NECTIN3: variants seen among roughly 807,000 people sequenced by gnomAD.
NECTIN3 encodes the protein nectin cell adhesion molecule 3, also known as nectin-3.
NECTIN3 carries 8 observed loss-of-function variants against 49.4 expected under a neutral mutation model. The ratio of observed to expected loss-of-function variants is 0.16; its 90% CI spans 0.10 to 0.29. The LOEUF is 0.29. Among genes scored for constraint, NECTIN3 ranks in the 10% least tolerant of loss-of-function variants. NECTIN3 has a pLI of 1.00. For missense variants in NECTIN3, 581 were observed against 654.6 expected (o/e 0.89, Z 1.23); for synonymous variants, 277 against 241.1 (o/e 1.15, Z -1.38).
At chr3:111,098,383 C>A (rs1319193146) in intron 1 of NECTIN3, among the ~76,000 whole-genome samples, 1 of 152,192 alleles carries the variant, frequency 6.6e-6, no homozygotes, top group African/African-American at 2.4e-5. Context: ...TGCTGTGCAT[C>A]CTATTTCAAA....
intron 7 of NECTIN3, among the ~76,000 whole-genome samples, chr3:111,155,931 G>A (rs1005007045): frequency 3.3e-5 from 5 of 152,196 alleles, no homozygotes; most frequent in East Asian, 1.9e-4. Context: ...ATACTAGTGG[G>A]GAGACTTATC....
At chr3:111,187,628 A>T (rs2035745341), upstream of NECTIN3, among the ~76,000 whole-genome samples, 1 of 152,256 alleles carries the variant, frequency 6.6e-6, no homozygotes, top group South Asian at 2.1e-4. Context: ...CTAAAAAGGA[A>T]TAAACCATCA....
intron 7 of NECTIN3, among the ~76,000 whole-genome samples, chr3:111,170,409 C>A (rs2035413340): frequency 6.6e-6 from 1 of 152,086 alleles, no homozygotes; most frequent in African/African-American, 2.4e-5. Context: ...TTTCTCCCTT[C>A]TGTCAGTGAG....
intron 6 of NECTIN3, among the ~76,000 whole-genome samples, chr3:111,147,025 G>A (rs775500989): frequency 9.9e-5 from 15 of 152,226 alleles, no homozygotes; most frequent in Non-Finnish European, 1.9e-4. Flanking sequence ...AAAATACAGT[G>A]TAAACATTTC....
intron 1 of NECTIN3, among the ~76,000 whole-genome samples, chr3:111,098,481 G>C (rs944113002): frequency 3.9e-5 from 6 of 152,132 alleles, no homozygotes; most frequent in African/African-American, 1.4e-4. Flanking sequence ...TCCTTGTCTT[G>C]TGGCTGCATA....
intron 2 of NECTIN3, among the ~76,000 whole-genome samples, chr3:111,117,731 A>G (rs1401591766): frequency 1.3e-5 from 2 of 152,090 alleles, no homozygotes; most frequent in Admixed American, 6.6e-5. Flanking sequence ...TAAAAACTCA[A>G]TGCACAGAGT....
chr3:111,098,010 G>A (rs1484776746), intron 1 of NECTIN3, among the ~76,000 whole-genome samples: 5 of 152,124 alleles, frequency 3.3e-5, no homozygotes, highest in Non-Finnish European at 7.4e-5. Context: ...TGAACATGGA[G>A]ATCAATTTGA....
intron 7 of NECTIN3, among the ~76,000 whole-genome samples, chr3:111,180,781 T>C (rs1173581607): frequency 6.6e-6 from 1 of 152,188 alleles, no homozygotes; most frequent in East Asian, 1.9e-4. Flanking sequence ...AACTTCTGCA[T>C]CAGGGACAGT....
chr3:111,149,043 G>A (rs1487100155), intron 7 of NECTIN3, among the ~76,000 whole-genome samples: 1 of 152,006 alleles, frequency 6.6e-6, no homozygotes, highest in Non-Finnish European at 1.5e-5. Flanking sequence ...TGATAAAGAG[G>A]TAGAGACCCA....
At chr3:111,191,054 A>C (rs1220094791), upstream of NECTIN3, among the ~76,000 whole-genome samples, 1 of 152,212 alleles carries the variant, frequency 6.6e-6, no homozygotes, top group East Asian at 1.9e-4. Flanking sequence ...AAGATAGTGA[A>C]ATGCAGAGCT....
At chr3:111,148,193 G>C (rs1427400868) in intron 7 of NECTIN3, among the ~76,000 whole-genome samples, 1 of 152,148 alleles carries the variant, frequency 6.6e-6, no homozygotes, top group Non-Finnish European at 1.5e-5. Context: ...AATATGTCCT[G>C]TATCTTCAGC....
At chr3:111,076,429 T>C (rs1015745452) in intron 1 of NECTIN3, among the ~76,000 whole-genome samples, 1 of 152,130 alleles carries the variant, frequency 6.6e-6, no homozygotes, top group Non-Finnish European at 1.5e-5. Flanking sequence ...ACTATTAATA[T>C]GTAAATGTAG....
At chr3:111,169,073 T>G (rs143050383) in intron 7 of NECTIN3, among the ~76,000 whole-genome samples, 3,243 of 148,052 alleles carry the variant, frequency 0.022, 111 homozygotes, top group African/African-American at 0.066. Flanking sequence ...ATCAGGACTA[T>G]TCAAACTTTT....
chr3:111,181,050 C>T (rs1386070826), intron 7 of NECTIN3, among the ~76,000 whole-genome samples: 1 of 152,136 alleles, frequency 6.6e-6, no homozygotes, highest in Admixed American at 6.5e-5. Flanking sequence ...TTGCCCCAAG[C>T]AAGAACTTTT....
At chr3:111,076,274 AAGAG>A (rs2031193078) in intron 1 of NECTIN3, among the ~76,000 whole-genome samples, 1 of 152,218 alleles carries the variant, frequency 6.6e-6, no homozygotes, top group South Asian at 2.1e-4. Flanking sequence ...TCCTTGTTAA[AAGAG>A]AGCATTTTGA....
rs777631224 is a variant in NECTIN3 at position 111,136,016 on chromosome 3, T to G, written c.*1801T>G. On this transcript the variant is annotated 3_prime_UTR_variant, in exon 6 of 6. Coordinates refer to ENST00000485303, the MANE Select transcript of NECTIN3 (RefSeq NM_015480.3). ...AATATTACAACTTTTTAGTGCAAGT[T>G]TTTGGAAGAAAACTTTTTGATAAAA... The G allele has an allele frequency of 2.1e-5, 20 of 973,324 alleles. No homozygotes were observed. The highest frequency in any genetic ancestry group is 3.5e-5 in the African/African-American group (2 of 56,852). 60.3% of individuals were successfully genotyped at this position (973,324 alleles called of 1,614,324 possible).
chr3:111,081,517 T>C (rs1576070233), intron 1 of NECTIN3, among the ~76,000 whole-genome samples: 1 of 152,222 alleles, frequency 6.6e-6, no homozygotes, highest in African/African-American at 2.4e-5. Context: ...AATAATACTT[T>C]CTTCACAGAA....
rs139005721 is a variant in NECTIN3 at position 111,122,256 on chromosome 3, G to A, written c.917+18G>A. 2.5e-3 allele frequency: 3,890 copies of A among 1,534,878 alleles called. 19 individuals are homozygous for A. The highest frequency in any genetic ancestry group is 7.2e-3 in the Middle Eastern group (42 of 5,838). ...TGGAGCAGGTAATGTTATATACTTC[G>A]AAAGAGAAATTATCTAAAAGTGAAA... On this transcript the variant is annotated intron_variant, in intron 4 of 5. Transcript: ENST00000485303.
chr3:111,079,897 C>T (rs1240575116), intron 1 of NECTIN3, among the ~76,000 whole-genome samples: 1 of 151,904 alleles, frequency 6.6e-6, no homozygotes, highest in East Asian at 1.9e-4. Context: ...AGTTTTTCTG[C>T]CTAGTTCATA....
Sources: allele counts gnomAD v4.1 joint callset (sites outside exome capture counted in the v4.1 genomes callset), GRCh38; gene constraint gnomAD v4.1.1; transcripts MANE v1.5; gene names NCBI Gene and HGNC (gene_info 2026-07-23, HGNC 2026-07-21).